Variants in CPLX2 observed in about 807,000 individuals in gnomAD.
CPLX2 encodes the protein complexin 2.
In CPLX2, 5 loss-of-function variants were observed where a neutral mutation model predicts 16.3. That is an observed-to-expected ratio of 0.31 (90% CI 0.16 to 0.64). CPLX2 has a LOEUF of 0.64. CPLX2 is among the 30% of genes least tolerant of loss of function. The pLI is 0.79. For missense variants in CPLX2, 144 were observed against 181.4 expected, an observed-to-expected ratio of 0.79 and a Z score of 1.18; for synonymous variants, 89 against 73.2, an observed-to-expected ratio of 1.22 and a Z score of -1.10.
At chr5:175,873,430 C>A (rs976222632) in intron 1 of CPLX2, among the ~76,000 whole-genome samples, 2 of 151,956 alleles carry the variant, frequency 1.3e-5, no homozygotes, top group Admixed American at 6.6e-5. Flanking sequence ...GGACATGTAG[C>A]CAATTCTGGG....
intron 1 of CPLX2, among the ~76,000 whole-genome samples, chr5:175,797,394 A>G (rs1561765501): frequency 1.3e-5 from 2 of 152,050 alleles, no homozygotes; most frequent in African/African-American, 4.8e-5. Flanking sequence ...AGTGGGCAAG[A>G]GGTAGAGGGG....
chr5:175,818,650 CTTTTTTTTTTTTTT>C (rs70988300), intron 2 of CPLX2, among the ~76,000 whole-genome samples: 13 of 50,810 alleles, frequency 2.6e-4, no homozygotes, highest in Admixed American at 1.4e-3. Flanking sequence ...CTGTCCCAAC[CTTTTTTTTTTTTTT>C]TTTTTTTTTT....
At chr5:175,866,510 A>T (rs4868540) in intron 2 of CPLX2, among the ~76,000 whole-genome samples, 97,085 of 151,138 alleles carry the variant, frequency 0.64, 31,512 homozygotes, top group East Asian at 0.95. Flanking sequence ...GAGCTAACCA[A>T]GTGGGGATAT....
chr5:175,868,868 G>C (rs947114055), upstream of CPLX2, among the ~76,000 whole-genome samples: 76 of 152,162 alleles, frequency 5.0e-4, no homozygotes, highest in Non-Finnish European at 1.0e-3. Context: ...AGGCAAGCCT[G>C]GTCTGGAACC....
chr5:175,807,726 A>G (rs1758236310), intron 1 of CPLX2, among the ~76,000 whole-genome samples: 1 of 152,156 alleles, frequency 6.6e-6, no homozygotes, highest in Non-Finnish European at 1.5e-5. Flanking sequence ...CACTCAACAT[A>G]TACTTATCAA....
intron 2 of CPLX2, among the ~76,000 whole-genome samples, chr5:175,833,369 G>A (rs1560036): frequency 0.41 from 62,361 of 151,760 alleles, 12,992 homozygotes; most frequent in Middle Eastern, 0.52. Context: ...CCTGACCCCA[G>A]AGAACTCGTG....
chr5:175,822,712 C>T (rs1758536570), intron 2 of CPLX2, among the ~76,000 whole-genome samples: 1 of 152,246 alleles, frequency 6.6e-6, no homozygotes, highest in African/African-American at 2.4e-5. Context: ...TTCCTATCAG[C>T]TGAGCAACTC....
At chr5:175,865,022 T>C (rs1281629636) in intron 2 of CPLX2, among the ~76,000 whole-genome samples, 1 of 152,096 alleles carries the variant, frequency 6.6e-6, no homozygotes, top group African/African-American at 2.4e-5. Flanking sequence ...CTTTAATGCA[T>C]GCCTCATTGC....
intron 1 of CPLX2, among the ~76,000 whole-genome samples, chr5:175,799,550 A>T (rs4008071): frequency 0.014 from 527 of 38,314 alleles, 17 homozygotes; most frequent in African/African-American, 0.028. Flanking sequence ...ATATATATAT[A>T]TATATATATA....
In CPLX2 at chr5:175,849,220, T is replaced by A. The variant is rs1176090874; in HGVS notation, c.-88-29432T>A. On this transcript the variant is annotated intron_variant, in intron 2 of 4. Transcript: ENST00000359546. The surrounding 1 kb of genome is among the most constrained non-coding windows in gnomAD (Gnocchi z 4.4). ...AGCACAAAACAGTCAGTTTGCTTGT[T>A]TGGGTGGCACTGACCTGTCCATTGT... Among the ~76,000 whole-genome samples the A allele has an allele frequency of 6.6e-6, 1 of 152,116 alleles. No individual in the cohort carries two copies. The highest frequency in any genetic ancestry group is 1.5e-5 in the Non-Finnish European group (1 of 68,012).
intron 1 of CPLX2, among the ~76,000 whole-genome samples, chr5:175,799,486 A>T (rs1250161101): frequency 6.7e-6 from 1 of 149,328 alleles, no homozygotes; most frequent in Non-Finnish European, 1.5e-5. Flanking sequence ...GTTCTCAAGA[A>T]GATGGCAATG....
intron 2 of CPLX2, among the ~76,000 whole-genome samples, chr5:175,843,615 C>T (rs1254172383): frequency 2.0e-5 from 3 of 152,198 alleles, no homozygotes; most frequent in African/African-American, 4.8e-5. Flanking sequence ...CCTACCATCA[C>T]CTAAAGGGCT....
chr5:175,878,843 C>A, intron 2 of CPLX2, 65 bp from the exon 3 acceptor site: 1 of 1,607,108 alleles, frequency 6.2e-7, no homozygotes, highest in Non-Finnish European at 8.5e-7. Context: ...GCCCACCCGG[C>A]CCCTCTCTCC....
At chr5:175,837,201 C>T (rs940701984) in intron 2 of CPLX2, among the ~76,000 whole-genome samples, 1 of 152,204 alleles carries the variant, frequency 6.6e-6, no homozygotes, top group Admixed American at 6.5e-5. Context: ...AGACCCCAAG[C>T]TGTGCTTCCC....
chr5:175,799,804 G>A (rs1758060022), intron 1 of CPLX2, among the ~76,000 whole-genome samples: 1 of 151,350 alleles, frequency 6.6e-6, no homozygotes, highest in South Asian at 2.1e-4. Flanking sequence ...AATGCTGCTG[G>A]GATTAAAGGC....
At chr5:175,826,334 G>T (rs982260985) in intron 2 of CPLX2, among the ~76,000 whole-genome samples, 2 of 152,144 alleles carry the variant, frequency 1.3e-5, no homozygotes, top group African/African-American at 4.8e-5. Flanking sequence ...TTGAATACAA[G>T]GGGATGGACA....
At chr5:175,867,960 A>G (rs1490119963), upstream of CPLX2, among the ~76,000 whole-genome samples, 1 of 152,200 alleles carries the variant, frequency 6.6e-6, no homozygotes, top group Non-Finnish European at 1.5e-5. Context: ...GGTGGCCTAG[A>G]GCCCTTCTCT....
rs1160396060 is a variant in CPLX2 at position 175,849,022 on chromosome 5, G to A, written c.-88-29630G>A. Among the ~76,000 whole-genome samples, 1 of 152,218 alleles carries A rather than the reference G, an allele frequency of 6.6e-6. No homozygotes were observed. The highest frequency in any genetic ancestry group is 1.5e-5 in the Non-Finnish European group (1 of 68,032). ...AGTGACTGGATTGCATTCTACCTGTGCTGGTTTCTTCTAAGCCAATGGAGA... is the reference window on the plus strand; with the variant it reads ...AGTGACTGGATTGCATTCTACCTGTACTGGTTTCTTCTAAGCCAATGGAGA... On this transcript the variant is annotated intron_variant, in intron 2 of 4. Transcript: ENST00000359546. This position sits in a 1 kb window ranked among gnomAD's most constrained non-coding sequence, Gnocchi z 4.4.
intron 2 of CPLX2, among the ~76,000 whole-genome samples, chr5:175,836,216 G>T (rs965626850): frequency 2.6e-5 from 4 of 152,158 alleles, no homozygotes; most frequent in East Asian, 1.9e-4. Context: ...TGGGCGTGGT[G>T]GCGGGCACCT....
Sources: allele counts gnomAD v4.1 joint callset (sites outside exome capture counted in the v4.1 genomes callset), GRCh38; gene constraint gnomAD v4.1.1; non-coding constraint Gnocchi (gnomAD v3.1); transcripts MANE v1.5; gene names NCBI Gene and HGNC (gene_info 2026-07-23, HGNC 2026-07-21).